The following TTC28 variants were observed in gnomAD, a reference collection of about 807,000 sequenced individuals.
TTC28 encodes the protein tetratricopeptide repeat protein 28.
A neutral mutation model predicts 198.0 loss-of-function variants in TTC28; 61 were observed. The observed-to-expected ratio is 0.31, with a 90% CI of 0.25 to 0.38. The LOEUF (loss-of-function observed/expected upper bound fraction) is 0.38. Among genes scored for constraint, TTC28 ranks in the 10% least tolerant of loss-of-function variants. The probability of loss-of-function intolerance (pLI) is 1.00; values close to 1 mark genes in which losing one functional copy is unlikely to be tolerated. For missense variants in TTC28, 2,678 were observed against 3,164.0 expected, an observed-to-expected ratio of 0.85 and a Z score of 3.69; for synonymous variants, 1,171 against 1,297.8, an observed-to-expected ratio of 0.90 and a Z score of 2.10.
chr22:28,538,447 T>C (rs1004355939), intron 2 of TTC28, among the ~76,000 whole-genome samples: 1 of 152,022 alleles, frequency 6.6e-6, no homozygotes, highest in Admixed American at 6.6e-5. Context: ...AAACTGGTAA[T>C]GCGTGTTGCC....
At chr22:28,393,131 C>G (rs1033288286) in intron 2 of TTC28, among the ~76,000 whole-genome samples, 1 of 152,040 alleles carries the variant, frequency 6.6e-6, no homozygotes, top group Non-Finnish European at 1.5e-5. Flanking sequence ...AATCCTCCGA[C>G]CTTGGCCTCT....
chr22:28,255,579 G>T (rs932464208), intron 5 of TTC28, among the ~76,000 whole-genome samples: 8 of 152,000 alleles, frequency 5.3e-5, no homozygotes, highest in African/African-American at 1.9e-4. Context: ...TACTCAGGAG[G>T]CTGAGGCAGG....
intron 12 of TTC28, among the ~76,000 whole-genome samples, chr22:28,038,401 A>G (rs1601546545): frequency 6.6e-6 from 1 of 152,364 alleles, no homozygotes; most frequent in East Asian, 1.9e-4. Context: ...CAAACCTGAC[A>G]AAGACAAGCA....
intron 2 of TTC28, among the ~76,000 whole-genome samples, chr22:28,592,244 G>A (rs563033312): frequency 6.6e-6 from 1 of 152,228 alleles, no homozygotes; most frequent in Non-Finnish European, 1.5e-5. Context: ...CCATCTACTT[G>A]GGAGGCTGAG....
intron 21 of TTC28, among the ~76,000 whole-genome samples, chr22:27,988,490 G>A (rs1192912939): frequency 6.6e-5 from 10 of 151,826 alleles, no homozygotes; most frequent in Admixed American, 2.0e-4. Flanking sequence ...GTTTCTCCAC[G>A]TTGGTCAGGC....
At chr22:28,129,538 T>C (rs889436114) in intron 6 of TTC28, among the ~76,000 whole-genome samples, 1 of 152,224 alleles carries the variant, frequency 6.6e-6, no homozygotes, top group African/African-American at 2.4e-5. Context: ...GCAAGTTACT[T>C]ACCCTCTTGA....
rs1267291093 is a variant in TTC28 at position 28,214,487 on chromosome 22, A to T, written c.934-50888T>A. 1.7e-4 allele frequency among the ~76,000 whole-genome samples: 26 copies of T among 152,298 alleles called. No individual in the cohort carries two copies. The East Asian group carries it at 4.6e-3, about 27-fold the overall frequency. The stretch of plus-strand genomic sequence containing the variant: ...GTGGGTGAAGGATATGAACAGACAC[A>T]TCTCAAAAGAAGACATTTATGCAGC... On this transcript the variant is annotated intron_variant, in intron 5 of 22. Coordinates refer to ENST00000397906, the MANE Select transcript of TTC28 (RefSeq NM_001145418.2).
chr22:28,170,489 CAAAAAAAAAA>C (rs71791002), intron 5 of TTC28, among the ~76,000 whole-genome samples: 1 of 100,106 alleles, frequency 1.0e-5, no homozygotes, highest in Admixed American at 1.1e-4. Flanking sequence ...ACTCCGTCTC[CAAAAAAAAAA>C]AAAAGAAAAA....
intron 12 of TTC28, among the ~76,000 whole-genome samples, chr22:28,071,094 G>C (rs1036495537): frequency 6.6e-6 from 1 of 152,076 alleles, no homozygotes; most frequent in Admixed American, 6.6e-5. Flanking sequence ...CCAAGGGTGG[G>C]AAAGGTAGTC....
intron 2 of TTC28, among the ~76,000 whole-genome samples, chr22:28,571,562 T>C (rs950752291): frequency 6.6e-6 from 1 of 152,238 alleles, no homozygotes; most frequent in African/African-American, 2.4e-5. Context: ...TGTACAGCAA[T>C]AAGAACTCTC....
At chr22:28,605,413 T>A (rs753835095) in intron 2 of TTC28, among the ~76,000 whole-genome samples, 16 of 152,206 alleles carry the variant, frequency 1.1e-4, no homozygotes, top group Non-Finnish European at 1.6e-4. Flanking sequence ...CGGTGGCAGC[T>A]AGAAAACATA....
intron 6 of TTC28, among the ~76,000 whole-genome samples, chr22:28,143,219 T>C (rs1406312748): frequency 2.0e-5 from 3 of 152,246 alleles, no homozygotes; most frequent in Middle Eastern, 3.4e-3. Flanking sequence ...AAAAATTACT[T>C]TGTGAACGGA....
intron 2 of TTC28, among the ~76,000 whole-genome samples, chr22:28,442,064 A>G (rs1385122233): frequency 6.6e-6 from 1 of 152,190 alleles, no homozygotes; most frequent in Non-Finnish European, 1.5e-5. Flanking sequence ...TCCCACATTT[A>G]GAAACGTTAT....
chr22:28,456,639 G>A (rs1401586703), intron 2 of TTC28, among the ~76,000 whole-genome samples: 1 of 152,068 alleles, frequency 6.6e-6, no homozygotes, highest in African/African-American at 2.4e-5. Flanking sequence ...GCAGTGGCAT[G>A]ATCTCGGCTC....
At chr22:28,528,980 T>G (rs2049069845) in intron 2 of TTC28, among the ~76,000 whole-genome samples, 1 of 152,110 alleles carries the variant, frequency 6.6e-6, no homozygotes, top group African/African-American at 2.4e-5. Flanking sequence ...ACAACTCCAG[T>G]CTACAGCCCC....
At chr22:28,607,948 T>C (rs2050760553) in intron 2 of TTC28, among the ~76,000 whole-genome samples, 2 of 152,192 alleles carry the variant, frequency 1.3e-5, no homozygotes, top group African/African-American at 4.8e-5. Flanking sequence ...TACTTTCCCA[T>C]AAATTAAACT....
chr22:28,588,287 A>G (rs1189899992), intron 2 of TTC28, among the ~76,000 whole-genome samples: 1 of 152,234 alleles, frequency 6.6e-6, no homozygotes, highest in Non-Finnish European at 1.5e-5. Context: ...TTACCTTTAA[A>G]TGTCATTTAA....
intron 2 of TTC28, among the ~76,000 whole-genome samples, chr22:28,439,633 T>C (rs1183137231): frequency 6.6e-6 from 1 of 152,198 alleles, no homozygotes; most frequent in Non-Finnish European, 1.5e-5. Context: ...TTATAACACC[T>C]ACCACCTCAC....
intron 13 of TTC28, chr22:28,029,132 A>G (rs766445748): frequency 4.2e-6 from 2 of 471,156 alleles, no homozygotes; most frequent in South Asian, 3.1e-5. Flanking sequence ...TGAAACCAAA[A>G]GCCATGAGGG....
Sources: gnomAD v4.1 joint callset for allele counts (sites outside exome capture counted in the v4.1 genomes callset) on GRCh38, gnomAD v4.1.1 for gene constraint, MANE v1.5 for transcripts, NCBI Gene and HGNC (gene_info 2026-07-23, HGNC 2026-07-21) for gene names.